Variants in SOX17 observed in about 807,000 individuals in gnomAD.
SOX17 encodes the protein SRY-box transcription factor 17, also known as transcription factor SOX-17.
Under a neutral mutation model 16.0 loss-of-function variants are expected in SOX17, and 4 were observed. That is an observed-to-expected ratio of 0.25 (90% CI 0.12 to 0.57). The LOEUF is 0.57. SOX17 is among the 20% of genes least tolerant of loss of function. The pLI is 0.92. For synonymous variants in SOX17, 357 were observed against 284.6 expected, an observed-to-expected ratio of 1.25 and a Z score of -2.56; for missense variants, 633 against 609.7, an observed-to-expected ratio of 1.04 and a Z score of -0.40.
In SOX17 at chr8:54,458,112, A is replaced by G. The variant is rs768487711; in HGVS notation, c.-27A>G. The G allele has an allele frequency of 2.7e-6, 4 of 1,483,340 alleles. No individual in the cohort carries two copies. The highest frequency in any genetic ancestry group is 3.6e-6 in the Non-Finnish European group (4 of 1,124,352). 91.9% of individuals were successfully genotyped at this position (1,483,340 alleles called of 1,614,324 possible). A position where few individuals can be genotyped will look rare whatever the true frequency, so the allele number is the denominator to read the frequency against. On this transcript the variant is annotated 5_prime_UTR_variant, in exon 1 of 2. Coordinates refer to ENST00000297316, the MANE Select transcript of SOX17 (RefSeq NM_022454.4). The stretch of plus-strand genomic sequence containing the variant: ...AGGCGGCGCGTCCGGCGGAGGGTTG[A>G]GGGGAGCGGGGCAGGCCTGGAGCGC...
chr8:54,459,158 G>C lies in SOX17; in HGVS notation c.408G>C (p.Lys136Asn). The change falls in exon 2 of 2, where the codon AAG (lysine) becomes AAC (asparagine). Residue 136 changes from lysine to asparagine, a missense_variant. Transcript: ENST00000297316. ...VQHMQDHPNY[K>N]YRPRRRKQVK... ...ACATGCAGGACCACCCCAACTACAA[G>C]TACCGGCCGCGGCGGCGCAAGCAGG... The C allele has an allele frequency of 6.2e-7, 1 of 1,606,608 alleles. No homozygotes were observed. The highest frequency in any genetic ancestry group is 1.7e-4 in the Middle Eastern group (1 of 6,036).
In SOX17 at chr8:54,459,694, C is replaced by G. The variant is rs1358462345; in HGVS notation, c.944C>G (p.Pro315Arg). The G allele has an allele frequency of 4.5e-6, 7 of 1,538,644 alleles. No individual in the cohort carries two copies. In the Admixed American group the frequency reaches 1.2e-4, roughly 26 times the overall value. Residue 315 changes from proline (P) to arginine (R), a missense_variant, in exon 2 of 2, where the codon CCG becomes CGG. Pro to Arg is a moderately radical substitution (Grantham distance 103, BLOSUM62 -2). This residue lies in a region of SOX17 where 479 missense variants were observed against 397.2 expected (regional missense o/e 1.21). Coordinates refer to ENST00000297316, the MANE Select transcript of SOX17 (RefSeq NM_022454.4). ...GGCGGGCGCGGCTTCCAGATGCAGCCGCAACACCAGCACCAGCACCAGCAC... is the reference window on the plus strand; with the variant it reads ...GGCGGGCGCGGCTTCCAGATGCAGCGGCAACACCAGCACCAGCACCAGCAC... The part of the protein sequence containing the change: ...AGGGRGFQMQ[P>R]QHQHQHQHQH...
At position 54,460,341 on chromosome 8, in the gene SOX17, A is replaced by C; in HGVS notation, c.*346A>C. ...AATGTTGTCCTGGGTGTGTTTTTTC[A>C]ATCTTCTAAAAAATAAAATCTGGAA... On this transcript the variant is annotated 3_prime_UTR_variant, in exon 2 of 2. Coordinates refer to ENST00000297316, the MANE Select transcript of SOX17 (RefSeq NM_022454.4). 1 of 392,950 alleles carries C rather than the reference A, an allele frequency of 2.5e-6. No homozygotes were observed. Among genetic ancestry groups the C allele is most frequent in the Non-Finnish European group, 4.6e-6 (1 of 216,496 alleles). 24.3% of individuals were successfully genotyped at this position (392,950 alleles called of 1,614,324 possible).
rs1804721221 is a variant in SOX17 at position 54,460,262 on chromosome 8, T to C, written c.*267T>C. On this transcript the variant is annotated 3_prime_UTR_variant, in exon 2 of 2. Coordinates refer to ENST00000297316, the MANE Select transcript of SOX17 (RefSeq NM_022454.4). ...TTTCCAAGTTCAAGTTAACTAGCTT[T>C]GAATGTGTCCCAAAACAGCTTCCTC... 1 of 550,596 alleles carries C rather than the reference T, an allele frequency of 1.8e-6. No individual in the cohort carries two copies. Among genetic ancestry groups the C allele is most frequent in the African/African-American group, 1.9e-5 (1 of 53,136 alleles). The allele number at this position is 550,596 out of a possible 1,614,324, so 34.1% of individuals were successfully genotyped here.
At position 54,459,483 on chromosome 8, in the gene SOX17, T is replaced by A. The variant is rs1318888076; in HGVS notation, c.733T>A (p.Cys245Ser). Reference sequence around the variant, plus strand: ...CTTCGCCGCCCCGATGCCCGGGGACTGCCCGGCGGCCGGCACCTACAGCTA... The same window carrying A: ...CTTCGCCGCCCCGATGCCCGGGGACAGCCCGGCGGCCGGCACCTACAGCTA... ...AFFAAPMPGD[C>S]PAAGTYSYAQ... The change falls in exon 2 of 2, where the codon TGC (cysteine) becomes AGC (serine). Residue 245 changes from cysteine (C) to serine (S), a missense_variant. Physicochemically the swap from Cys to Ser is moderately radical, Grantham distance 112 (BLOSUM62 -1). This residue lies in a region of SOX17 where 479 missense variants were observed against 397.2 expected (regional missense o/e 1.21). Transcript: ENST00000297316. The A allele has an allele frequency of 6.6e-7, 1 of 1,525,022 alleles. No homozygotes were observed. Among genetic ancestry groups the A allele is most frequent in the Non-Finnish European group, 8.7e-7 (1 of 1,142,888 alleles). The allele number at this position is 1,525,022 out of a possible 1,614,324, so 94.5% of individuals were successfully genotyped here. A position where few individuals can be genotyped will look rare whatever the true frequency, so the allele number is the denominator to read the frequency against.
chr8:54,460,547 G>A lies in SOX17; in HGVS notation c.*552G>A, dbSNP rs138249207. The A allele has an allele frequency of 3.3e-3, 770 of 233,940 alleles. 6 individuals are homozygous for A. The highest frequency in any genetic ancestry group is 0.016 in the African/African-American group (739 of 45,396). The allele number at this position is 233,940 out of a possible 1,614,324, so 14.5% of individuals were successfully genotyped here. A position where few individuals can be genotyped will look rare whatever the true frequency, so the allele number is the denominator to read the frequency against. On this transcript the variant is annotated 3_prime_UTR_variant, in exon 2 of 2. Transcript: ENST00000297316. ...TAGGATATCTAAGTTTGATGTAATT[G>A]TTTCAGGAAGGAAAAAAGAAAAGCA...
Position 54,459,284 on chromosome 8 carries a change from C to A in SOX17, c.534C>A (p.Gly178=). 2 of 1,512,892 alleles carry A rather than the reference C, an allele frequency of 1.3e-6. No homozygotes were observed. The highest frequency in any genetic ancestry group is 2.1e-5 in the Admixed American group (1 of 47,258). The allele number at this position is 1,512,892 out of a possible 1,614,324, so 93.7% of individuals were successfully genotyped here. A position where few individuals can be genotyped will look rare whatever the true frequency, so the allele number is the denominator to read the frequency against. The change falls in exon 2 of 2, where the codon GGC becomes GGA. Residue 178 remains glycine (G), a synonymous_variant. Coordinates refer to ENST00000297316, the MANE Select transcript of SOX17 (RefSeq NM_022454.4). ...GPEGGRVAMD[G]LGLQFPEQGF... ...AGGGCGGCCGCGTGGCCATGGACGG[C>A]CTGGGCCTCCAGTTCCCCGAGCAGG... is the stretch of plus-strand genomic sequence containing the variant.
chr8:54,459,367 G>T lies in SOX17; in HGVS notation c.617G>T (p.Cys206Phe). 6.4e-7 allele frequency: 1 copy of T among 1,559,568 alleles called. No individual in the cohort carries two copies. The highest frequency in any genetic ancestry group is 1.4e-5 in the African/African-American group (1 of 70,904). ...PPHMGGHYRDCQSLGAPPLDG... is the reference protein window; with the variant it reads ...PPHMGGHYRDFQSLGAPPLDG... Reference sequence around the variant, plus strand: ...CACATGGGCGGCCACTACCGCGACTGCCAGAGTCTGGGCGCGCCTCCGCTC... The same window carrying T: ...CACATGGGCGGCCACTACCGCGACTTCCAGAGTCTGGGCGCGCCTCCGCTC... The change falls in exon 2 of 2, where the codon TGC (cysteine) becomes TTC (phenylalanine). Residue 206 changes from cysteine (C) to phenylalanine (F), a missense_variant. Cys to Phe is a radical substitution (Grantham distance 205). Around this residue, in one of 5 missense-constraint regions of SOX17, gnomAD observed 479 missense variants for 397.2 expected, o/e 1.21. Coordinates refer to ENST00000297316, the MANE Select transcript of SOX17 (RefSeq NM_022454.4).
chr8:54,459,779 G>A lies in SOX17; in HGVS notation c.1029G>A (p.Arg343=), dbSNP rs182390275. 12 of 1,600,162 alleles carry A rather than the reference G, an allele frequency of 7.5e-6. No individual in the cohort carries two copies. Among genetic ancestry groups the A allele is most frequent in the Admixed American group, 6.8e-5 (4 of 58,414 alleles). ...CCCCTCCGGAGGCACTGCCCTGCCGGGACGGCACGGACCCCAGTCAGCCCG... is the reference window on the plus strand; with the variant it reads ...CCCCTCCGGAGGCACTGCCCTGCCGAGACGGCACGGACCCCAGTCAGCCCG... ...PSPPPEALPC[R]DGTDPSQPAE... The change falls in exon 2 of 2, where the codon CGG becomes CGA. Residue 343 remains arginine, a synonymous_variant. Coordinates refer to ENST00000297316, the MANE Select transcript of SOX17 (RefSeq NM_022454.4).
chr8:54,460,071 A>G lies in SOX17; in HGVS notation c.*76A>G. ...TCCTGGAGGAGCTAAGGAAATCCTC[A>G]GACTCCTGGGTTTTTGTTGTTGCTG... On this transcript the variant is annotated 3_prime_UTR_variant, in exon 2 of 2. Transcript: ENST00000297316. The G allele has an allele frequency of 6.7e-7, 1 of 1,487,620 alleles. No individual in the cohort carries two copies. Among genetic ancestry groups the G allele is most frequent in the South Asian group, 1.1e-5 (1 of 88,284 alleles). 92.2% of individuals were successfully genotyped at this position (1,487,620 alleles called of 1,614,324 possible). A position where few individuals can be genotyped will look rare whatever the true frequency, so the allele number is the denominator to read the frequency against.
Position 54,458,086 on chromosome 8 carries a change from G to A in SOX17, c.-53G>A, listed in dbSNP as rs1350525935. Reference sequence around the variant, plus strand: ...CCCCACCCCCTCCCCCGGGTCGGGGGAGGCGGCGCGTCCGGCGGAGGGTTG... The same window carrying A: ...CCCCACCCCCTCCCCCGGGTCGGGGAAGGCGGCGCGTCCGGCGGAGGGTTG... On this transcript the variant is annotated 5_prime_UTR_variant, in exon 1 of 2. Transcript: ENST00000297316. 8 of 1,432,004 alleles carry A rather than the reference G, an allele frequency of 5.6e-6. No homozygotes were observed. Among genetic ancestry groups the A allele is most frequent in the Non-Finnish European group, 6.4e-6 (7 of 1,100,378 alleles). The allele number at this position is 1,432,004 out of a possible 1,614,324, so 88.7% of individuals were successfully genotyped here.
At position 54,457,992 on chromosome 8, in the gene SOX17, G is replaced by A. The variant is rs1804661447; in HGVS notation, c.-147G>A. ...TACGCTGTAGACCAGACCGCGACAGGCCAGAACACGGGCGGCGGCTTCGGG... is the reference window on the plus strand; with the variant it reads ...TACGCTGTAGACCAGACCGCGACAGACCAGAACACGGGCGGCGGCTTCGGG... On this transcript the variant is annotated 5_prime_UTR_variant, in exon 1 of 2. Transcript: ENST00000297316. 2.0e-6 allele frequency: 2 copies of A among 1,000,248 alleles called. No individual in the cohort carries two copies. The highest frequency in any genetic ancestry group is 6.5e-5 in the Admixed American group (2 of 30,694). 62.0% of individuals were successfully genotyped at this position (1,000,248 alleles called of 1,614,324 possible). A position where few individuals can be genotyped will look rare whatever the true frequency, so the allele number is the denominator to read the frequency against.
At position 54,458,023 on chromosome 8, in the gene SOX17, A is replaced by T. The variant is rs908466609; in HGVS notation, c.-116A>T. On this transcript the variant is annotated 5_prime_UTR_variant, in exon 1 of 2. Transcript: ENST00000297316. The stretch of plus-strand genomic sequence containing the variant: ...ACACGGGCGGCGGCTTCGGGCCGGG[A>T]GACCCGCGCAGCCCTCGGGGCATCT... The T allele has an allele frequency of 2.4e-6, 3 of 1,239,064 alleles. No individual in the cohort carries two copies. The highest frequency in any genetic ancestry group is 3.2e-6 in the Non-Finnish European group (3 of 938,670). 76.8% of individuals were successfully genotyped at this position (1,239,064 alleles called of 1,614,324 possible).
chr8:54,459,407 G>T lies in SOX17; in HGVS notation c.657G>T (p.Leu219Phe). The T allele has an allele frequency of 6.5e-7, 1 of 1,546,558 alleles. No individual in the cohort carries two copies. Among genetic ancestry groups the T allele is most frequent in the South Asian group, 1.2e-5 (1 of 84,318 alleles). Residue 219 changes from leucine (L) to phenylalanine (F), a missense_variant, in exon 2 of 2, where the codon TTG becomes TTT. Leu to Phe is a conservative substitution (Grantham distance 22). Coordinates refer to ENST00000297316, the MANE Select transcript of SOX17 (RefSeq NM_022454.4). Reference protein sequence around the residue: ...LGAPPLDGYPLPTPDTSPLDG... With the variant: ...LGAPPLDGYPFPTPDTSPLDG... ...CGCCTCCGCTCGACGGCTACCCGTT[G>T]CCCACGCCCGACACGTCCCCGCTGG...
Position 54,459,924 on chromosome 8 carries a change from C to A in SOX17, c.1174C>A (p.His392Asn). The change falls in exon 2 of 2, where the codon CAC (histidine) becomes AAC (asparagine). Residue 392 changes from histidine (H) to asparagine (N), a missense_variant. Physicochemically the swap from His to Asn is moderately conservative, Grantham distance 68. Around this residue, in one of 5 missense-constraint regions of SOX17, gnomAD observed 479 missense variants for 397.2 expected, o/e 1.21. Transcript: ENST00000297316. ...HDSGVNLPDS[H>N]GAISSVVSDA... ...CTCCGGTGTGAATCTCCCCGACAGC[C>A]ACGGGGCCATTTCCTCGGTGGTGTC... 6.2e-7 allele frequency: 1 copy of A among 1,613,924 alleles called. No individual in the cohort carries two copies. Among genetic ancestry groups the A allele is most frequent in the Non-Finnish European group, 8.5e-7 (1 of 1,180,050 alleles).
Position 54,458,150 on chromosome 8 carries a change from G to T in SOX17, c.12G>T (p.Pro4=). 6.4e-7 allele frequency: 1 copy of T among 1,565,492 alleles called. No homozygotes were observed. Among genetic ancestry groups the T allele is most frequent in the East Asian group, 2.3e-5 (1 of 43,408 alleles). ...AGGCCTGGAGCGCCATGAGCAGCCC[G>T]GATGCGGGATACGCCAGTGACGACC... is the stretch of plus-strand genomic sequence containing the variant. MSS[P]DAGYASDDQS... Residue 4 remains proline, a synonymous_variant, in exon 1 of 2, where the codon CCG becomes CCT. Transcript: ENST00000297316.
Position 54,460,318 on chromosome 8 carries a change from T to C in SOX17, c.*323T>C. 2.2e-6 allele frequency: 1 copy of C among 451,570 alleles called. No homozygotes were observed. Among genetic ancestry groups the C allele is most frequent in the Non-Finnish European group, 4.0e-6 (1 of 250,370 alleles). 28.0% of individuals were successfully genotyped at this position (451,570 alleles called of 1,614,324 possible). On this transcript the variant is annotated 3_prime_UTR_variant, in exon 2 of 2. Transcript: ENST00000297316. ...CCTGAAAGTTTATTGATCAAAGAAA[T>C]GTTGTCCTGGGTGTGTTTTTTCAAT...
rs1254366651 is a variant in SOX17, at chr8:54,459,489, G to A, written c.739G>A (p.Ala247Thr). The change falls in exon 2 of 2, where the codon GCG (alanine) becomes ACG (threonine). Residue 247 changes from alanine (A) to threonine (T), a missense_variant. This residue lies in a region of SOX17 where 479 missense variants were observed against 397.2 expected (regional missense o/e 1.21). Coordinates refer to ENST00000297316, the MANE Select transcript of SOX17 (RefSeq NM_022454.4). ...CGCCCCGATGCCCGGGGACTGCCCG[G>A]CGGCCGGCACCTACAGCTACGCGCA... The part of the protein sequence containing the change: ...FAAPMPGDCP[A>T]AGTYSYAQVS... The A allele has an allele frequency of 5.9e-6, 9 of 1,525,214 alleles. No homozygotes were observed. Among genetic ancestry groups the A allele is most frequent in the Non-Finnish European group, 7.9e-6 (9 of 1,142,918 alleles). The allele number at this position is 1,525,214 out of a possible 1,614,324, so 94.5% of individuals were successfully genotyped here.
Position 54,459,778 on chromosome 8 carries a change from G to C in SOX17, c.1028G>C (p.Arg343Pro). 6.3e-7 allele frequency: 1 copy of C among 1,599,428 alleles called. No individual in the cohort carries two copies. The highest frequency in any genetic ancestry group is 8.5e-7 in the Non-Finnish European group (1 of 1,174,148). ...PSPPPEALPC[R>P]DGTDPSQPAE... ...CCCCCTCCGGAGGCACTGCCCTGCCGGGACGGCACGGACCCCAGTCAGCCC... is the reference window on the plus strand; with the variant it reads ...CCCCCTCCGGAGGCACTGCCCTGCCCGGACGGCACGGACCCCAGTCAGCCC... The change falls in exon 2 of 2, where the codon CGG becomes CCG. Residue 343 changes from arginine to proline, a missense_variant. By Grantham distance (103) the Arg-to-Pro change is moderately radical (BLOSUM62 -2). Transcript: ENST00000297316.
Sources: allele counts gnomAD v4.1 joint callset, GRCh38; gene constraint gnomAD v4.1.1; regional missense constraint gnomAD v4.1.1; transcripts MANE v1.5; gene names NCBI Gene and HGNC (gene_info 2026-07-23, HGNC 2026-07-21).